Variants in NTRK3 observed in about 807,000 individuals in gnomAD.
The protein encoded by NTRK3 is neurotrophic receptor tyrosine kinase 3, also known as NT-3 growth factor receptor.
Under a neutral mutation model 91.7 loss-of-function variants are expected in NTRK3, and 24 were observed. The ratio of observed to expected loss-of-function variants is 0.26; its 90% CI spans 0.19 to 0.37. The LOEUF is 0.37. Among genes scored for constraint, NTRK3 ranks in the 10% least tolerant of loss-of-function variants. The probability of loss-of-function intolerance (pLI) is 1.00; values close to 1 mark genes in which losing one functional copy is unlikely to be tolerated. For synonymous variants in NTRK3, 483 were observed against 404.0 expected, an observed-to-expected ratio of 1.20 and a Z score of -2.34; for missense variants, 880 against 1,068.9, an observed-to-expected ratio of 0.82 and a Z score of 2.46.
chr15:88,156,318 A>C lies in NTRK3; in HGVS notation c.396-8915T>G, dbSNP rs533428145. 1.6e-4 allele frequency among the ~76,000 whole-genome samples: 24 copies of C among 152,318 alleles called. 1 individual carries two copies. The South Asian group carries it at 5.0e-3, about 32-fold the overall frequency. On this transcript the variant is annotated intron_variant, in intron 5 of 18. Transcript: ENST00000394480. The stretch of plus-strand genomic sequence containing the variant: ...GAAGGACCGTGGCACATGGGAGACC[A>C]GATATGGACACAGAGAACTGGACTC...
chr15:88,033,503 A>AT (rs2078790616), intron 13 of NTRK3, among the ~76,000 whole-genome samples: 1 of 151,326 alleles, frequency 6.6e-6, no homozygotes, highest in Admixed American at 6.6e-5. Context: ...TGGAGACAGG[A>AT]TTTTACCATG....
chr15:87,945,817 A>ACC (rs2070425534), intron 14 of NTRK3, among the ~76,000 whole-genome samples: 1 of 148,602 alleles, frequency 6.7e-6, no homozygotes, highest in African/African-American at 2.5e-5. Flanking sequence ...AAAAAAAAAA[A>ACC]AAAAAAAAAA....
exon 19 of NTRK3, chr15:87,873,921 C>G (rs2141420389): frequency 4.3e-6 from 1 of 230,462 alleles, no homozygotes; most frequent in East Asian, 6.2e-5. Flanking sequence ...CTGCCCCCCA[C>G]CTATGCAAGG....
chr15:87,882,612 C>A (rs2065313388), intron 17 of NTRK3, among the ~76,000 whole-genome samples: 1 of 151,928 alleles, frequency 6.6e-6, no homozygotes, highest in Admixed American at 6.6e-5. Flanking sequence ...TAATTTCAAC[C>A]ATAAATGCAT....
chr15:88,015,831 T>C (rs966739345), intron 14 of NTRK3, among the ~76,000 whole-genome samples: 3 of 152,124 alleles, frequency 2.0e-5, no homozygotes, highest in Non-Finnish European at 4.4e-5. Flanking sequence ...GTTGGCACTG[T>C]AATGAAGAAC....
intron 17 of NTRK3, among the ~76,000 whole-genome samples, chr15:87,890,784 C>T (rs1243016682): frequency 1.3e-5 from 2 of 152,162 alleles, no homozygotes; most frequent in Non-Finnish European, 2.9e-5. Context: ...GTATATTTCC[C>T]ACTCCAGCCT....
At chr15:87,869,948 A>T (rs545591460) in exon 19 of NTRK3, 2 of 192,180 alleles carry the variant, frequency 1.0e-5, no homozygotes, top group East Asian at 1.6e-4. Context: ...TAATTATCAG[A>T]CTTGGACTTC....
chr15:88,233,009 C>G lies in NTRK3; in HGVS notation c.248+22897G>C, dbSNP rs1416283896. ...CCCAGACCCTCCCCCCAGCCCAGAG[C>G]GAAAGTTTGACTAAAGCTCAGTGTC... On this transcript the variant is annotated intron_variant, in intron 3 of 18. Transcript: ENST00000394480. The surrounding 1 kb of genome is among the most constrained non-coding windows in gnomAD (Gnocchi z 4.2). Among the ~76,000 whole-genome samples, 1 of 152,086 alleles carries G rather than the reference C, an allele frequency of 6.6e-6. No individual in the cohort carries two copies. The highest frequency in any genetic ancestry group is 1.5e-5 in the Non-Finnish European group (1 of 68,024).
At chr15:88,223,841 T>G (rs1320691744) in intron 3 of NTRK3, among the ~76,000 whole-genome samples, 1 of 152,124 alleles carries the variant, frequency 6.6e-6, no homozygotes, top group Non-Finnish European at 1.5e-5. Flanking sequence ...GGGTAGAGGC[T>G]AGAAACCGAG....
intron 17 of NTRK3, among the ~76,000 whole-genome samples, chr15:87,919,020 T>G (rs1445311143): frequency 1.3e-5 from 2 of 152,172 alleles, no homozygotes; most frequent in Non-Finnish European, 2.9e-5. Flanking sequence ...AAAGGAAACT[T>G]GAGTACATCC....
intron 3 of NTRK3, among the ~76,000 whole-genome samples, chr15:88,189,188 A>T (rs2047185675): frequency 6.6e-6 from 1 of 152,174 alleles, no homozygotes; most frequent in Non-Finnish European, 1.5e-5. Context: ...AGGGAAATGG[A>T]GTCAGGGAAT....
intron 13 of NTRK3, among the ~76,000 whole-genome samples, chr15:88,056,945 C>T (rs994653713): frequency 6.6e-6 from 1 of 151,646 alleles, no homozygotes; most frequent in Non-Finnish European, 1.5e-5. Context: ...CCGAGACGGG[C>T]GGATCACGAG....
At chr15:88,211,093 A>C (rs2049202313) in intron 3 of NTRK3, among the ~76,000 whole-genome samples, 1 of 152,188 alleles carries the variant, frequency 6.6e-6, no homozygotes, top group African/African-American at 2.4e-5. Flanking sequence ...TACACTCACA[A>C]TGTCATGCAA....
rs187179770 is a variant in NTRK3, at chr15:88,064,989, G to T, written c.1397-31944C>A. Among the ~76,000 whole-genome samples the T allele has an allele frequency of 3.9e-5, 6 of 152,314 alleles. No individual in the cohort carries two copies. The East Asian group carries it at 1.2e-3, about 29-fold the overall frequency. On this transcript the variant is annotated intron_variant, in intron 13 of 18. Transcript: ENST00000394480. ...CGTATCTCCAAAGCCTGGCTCATTT[G>T]CAGGTACATAACATATGCTTGATAA...
intron 13 of NTRK3, among the ~76,000 whole-genome samples, chr15:88,116,675 G>T (rs11631112): frequency 0.24 from 36,365 of 152,018 alleles, 4,528 homozygotes; most frequent in African/African-American, 0.28. Flanking sequence ...ATGTTGACTC[G>T]CAGCCTTCCC....
At chr15:87,995,797 C>T (rs967642371) in intron 14 of NTRK3, among the ~76,000 whole-genome samples, 5 of 152,130 alleles carry the variant, frequency 3.3e-5, no homozygotes, top group Non-Finnish European at 7.3e-5. Context: ...TCAACTCTGC[C>T]GTTGCAGCAC....
chr15:87,991,830 TAAGTA>T (rs1347332116), intron 14 of NTRK3, among the ~76,000 whole-genome samples: 3 of 152,166 alleles, frequency 2.0e-5, no homozygotes, highest in African/African-American at 7.2e-5. Context: ...ATAGTAACTT[TAAGTA>T]AATTACTTAA....
intron 3 of NTRK3, among the ~76,000 whole-genome samples, chr15:88,196,933 C>A (rs958635972): frequency 2.6e-5 from 4 of 152,072 alleles, no homozygotes; most frequent in Non-Finnish European, 5.9e-5. Context: ...ATGGCTCACT[C>A]TTCCCACCTG....
exon 17 of NTRK3, chr15:87,929,204 G>A (rs776296223): frequency 2.2e-5 from 36 of 1,614,038 alleles, no homozygotes; most frequent in South Asian, 6.6e-5. Flanking sequence ...GTAATAATCC[G>A]TGCTGTAGAC....
Sources: allele counts gnomAD v4.1 joint callset (sites outside exome capture counted in the v4.1 genomes callset), GRCh38; gene constraint gnomAD v4.1.1; non-coding constraint Gnocchi (gnomAD v3.1); transcripts MANE v1.5; gene names NCBI Gene and HGNC (gene_info 2026-07-23, HGNC 2026-07-21).